The following KLHL14 variants were observed in gnomAD, a reference collection of about 807,000 sequenced individuals.
KLHL14 encodes the protein kelch-like protein 14.
KLHL14 carries 22 observed loss-of-function variants against 64.3 expected under a neutral mutation model. The observed-to-expected ratio is 0.34, with a 90% CI of 0.24 to 0.49. The LOEUF (loss-of-function observed/expected upper bound fraction) is 0.49. Ranked by LOEUF, KLHL14 falls within the 20% of genes least tolerant of loss-of-function variation. KLHL14 has a pLI of 0.99. For missense variants in KLHL14, 661 were observed against 789.0 expected (o/e 0.84, Z 1.94); for synonymous variants, 322 against 333.4 (o/e 0.97, Z 0.37).
chr18:32,739,241 T>C (rs182216920), intron 3 of KLHL14, among the ~76,000 whole-genome samples: 9 of 152,236 alleles, frequency 5.9e-5, no homozygotes, highest in Non-Finnish European at 1.2e-4. Context: ...AGAATGGCAG[T>C]GGAAAGTTCT....
chr18:32,710,309 A>T (rs2050012698), intron 3 of KLHL14, among the ~76,000 whole-genome samples: 1 of 152,200 alleles, frequency 6.6e-6, no homozygotes, highest in Non-Finnish European at 1.5e-5. Context: ...TGAAGTATGG[A>T]TTTACTACAG....
chr18:32,754,111 A>G (rs2050270111), intron 2 of KLHL14, among the ~76,000 whole-genome samples: 1 of 152,182 alleles, frequency 6.6e-6, no homozygotes, highest in African/African-American at 2.4e-5. Flanking sequence ...TTTGTTCAAG[A>G]GAGATGTGGT....
chr18:32,679,975 AAAT>A (rs2049830099), intron 7 of KLHL14, among the ~76,000 whole-genome samples, 191 bp downstream of exon 7: 1 of 152,150 alleles, frequency 6.6e-6, no homozygotes, highest in Admixed American at 6.6e-5. Context: ...GGTAACTTAA[AAAT>A]AATCCTATCT....
In KLHL14 at chr18:32,770,073, G is replaced by A. The variant is rs775669961; in HGVS notation, c.519C>T (p.Cys173=). 22 of 1,614,154 alleles carry A rather than the reference G, an allele frequency of 1.4e-5. No individual in the cohort carries two copies. The East Asian group carries it at 4.7e-4, about 34-fold the overall frequency. ...ILHIPQVTKL[C]VQFLNDQISV... ...AGATCTGGTCGTTGAGGAACTGCAC[G>A]CAGAGCTTGGTGACCTGGGGGATGT... Residue 173 remains cysteine (C), a synonymous_variant, in exon 2 of 9, where the codon TGC becomes TGT. Transcript: ENST00000359358. This position sits in a 1 kb window ranked among gnomAD's most constrained non-coding sequence, Gnocchi z 6.7.
At chr18:32,703,594 T>A (rs2049976525) in intron 3 of KLHL14, among the ~76,000 whole-genome samples, 1 of 152,228 alleles carries the variant, frequency 6.6e-6, no homozygotes, top group South Asian at 2.1e-4. Context: ...AAAACCTTGT[T>A]GATTTACAGT....
intron 2 of KLHL14, among the ~76,000 whole-genome samples, chr18:32,750,535 T>TA (rs1462673436): frequency 5.9e-5 from 9 of 152,176 alleles, no homozygotes; most frequent in Admixed American, 5.9e-4. Context: ...AACAAAAATA[T>TA]AAAATCACTG....
intron 3 of KLHL14, among the ~76,000 whole-genome samples, chr18:32,701,023 C>T (rs915531825): frequency 3.3e-5 from 5 of 152,122 alleles, no homozygotes; most frequent in Non-Finnish European, 7.4e-5. Context: ...AGGAGAGAGG[C>T]CCAGGGCAGA....
intron 4 of KLHL14, among the ~76,000 whole-genome samples, chr18:32,688,659 T>G (rs544134480): frequency 3.3e-5 from 5 of 152,294 alleles, no homozygotes; most frequent in African/African-American, 1.2e-4. Context: ...CTAGGGTAAC[T>G]GGGCAGAGGT....
At chr18:32,771,538 C>T (rs981939767) in intron 1 of KLHL14, among the ~76,000 whole-genome samples, 2 of 152,120 alleles carry the variant, frequency 1.3e-5, no homozygotes, top group African/African-American at 2.4e-5. Context: ...CCCCCTCTCC[C>T]CCGTCTCGCT....
chr18:32,733,389 G>GGAGAGAGAGAGA (rs34935950), intron 3 of KLHL14, among the ~76,000 whole-genome samples: 78 of 147,520 alleles, frequency 5.3e-4, no homozygotes, highest in African/African-American at 1.7e-3. Flanking sequence ...GAGAGAGAAA[G>GGAGAGAGAGAGA]GAGAGAGAGA....
chr18:32,682,559 G>C (rs758208558), intron 5 of KLHL14, among the ~76,000 whole-genome samples: 3 of 152,046 alleles, frequency 2.0e-5, no homozygotes, highest in Admixed American at 6.6e-5. Flanking sequence ...ATCATCAAAG[G>C]GATTTCTGAT....
chr18:32,680,386 C>A lies in KLHL14; in HGVS notation c.1429+23G>T. ...AGTGCTTTGGAACTGAACTTTGTAA[C>A]AGAAAGTGGAGGAATTACTTGCCTG... On this transcript the variant is annotated intron_variant, in intron 6 of 8. Transcript: ENST00000359358. The surrounding 1 kb of genome is among the most constrained non-coding windows in gnomAD (Gnocchi z 4.8). The A allele has an allele frequency of 6.2e-7, 1 of 1,613,546 alleles. No individual in the cohort carries two copies. Among genetic ancestry groups the A allele is most frequent in the South Asian group, 1.1e-5 (1 of 91,070 alleles).
Position 32,744,465 on chromosome 18 carries a change from G to A in KLHL14, c.948-2416C>T, listed in dbSNP as rs553433852. ...GCACTCCAGCCTGGACAAAAAGAGC[G>A]AAACTCCATGTCAAAAAAAAAAAAA... On this transcript the variant is annotated intron_variant, in intron 2 of 8. Transcript: ENST00000359358. The A allele has an allele frequency of 6.2e-3, 772 of 125,140 alleles. 6 individuals are homozygous for A. The highest frequency in any genetic ancestry group is 9.1e-3 in the Non-Finnish European group (552 of 60,706). 7.8% of individuals were successfully genotyped at this position (125,140 alleles called of 1,614,324 possible). A position where few individuals can be genotyped will look rare whatever the true frequency, so the allele number is the denominator to read the frequency against.
Position 32,674,569 on chromosome 18 carries a change from T to C in KLHL14, c.*88A>G. The C allele has an allele frequency of 2.8e-6, 2 of 704,048 alleles. No homozygotes were observed. Among genetic ancestry groups the C allele is most frequent in the South Asian group, 3.3e-5 (2 of 60,868 alleles). 43.6% of individuals were successfully genotyped at this position (704,048 alleles called of 1,614,324 possible). A position where few individuals can be genotyped will look rare whatever the true frequency, so the allele number is the denominator to read the frequency against. On this transcript the variant is annotated 3_prime_UTR_variant, in exon 9 of 9. Transcript: ENST00000359358. ...AGGGTGGGTTTTGGCAGTTGTACCA[T>C]TAGAATGCATTGTTCCTATTATAAT...
At chr18:32,692,787 T>C (rs114235694) in intron 4 of KLHL14, among the ~76,000 whole-genome samples, 172 of 152,338 alleles carry the variant, frequency 1.1e-3, no homozygotes, top group African/African-American at 4.0e-3. Context: ...TTGTAAGCTA[T>C]GTTTTCTGGC....
At chr18:32,677,535 T>A (rs975730907) in intron 7 of KLHL14, among the ~76,000 whole-genome samples, 5 of 152,184 alleles carry the variant, frequency 3.3e-5, no homozygotes, top group African/African-American at 1.2e-4. Flanking sequence ...TTAGATTACT[T>A]CAAAGCAAGA....
At chr18:32,761,241 A>G (rs549062174) in intron 2 of KLHL14, among the ~76,000 whole-genome samples, 1 of 152,258 alleles carries the variant, frequency 6.6e-6, no homozygotes, top group South Asian at 2.1e-4. Flanking sequence ...CAGTGTTTCC[A>G]CAATAGTATT....
chr18:32,748,709 C>T (rs949615246), intron 2 of KLHL14, among the ~76,000 whole-genome samples: 12 of 148,914 alleles, frequency 8.1e-5, no homozygotes, highest in African/African-American at 2.5e-4. Flanking sequence ...ACGCTGGTCT[C>T]TGCCTCCTGA....
intron 3 of KLHL14, among the ~76,000 whole-genome samples, chr18:32,729,327 G>C (rs1228841120): frequency 1.3e-5 from 2 of 152,060 alleles, no homozygotes; most frequent in Non-Finnish European, 2.9e-5. Context: ...TTGCCACAGG[G>C]GGTTACTTAA....
Sources: allele counts gnomAD v4.1 joint callset (sites outside exome capture counted in the v4.1 genomes callset), GRCh38; gene constraint gnomAD v4.1.1; non-coding constraint Gnocchi (gnomAD v3.1); transcripts MANE v1.5; gene names NCBI Gene and HGNC (gene_info 2026-07-23, HGNC 2026-07-21).